Variants in AP1S3 observed in about 807,000 individuals in gnomAD.
AP1S3 encodes the protein adaptor related protein complex 1 subunit sigma 3, also known as AP-1 complex subunit sigma-3.
A neutral mutation model predicts 20.9 loss-of-function variants in AP1S3; 10 were observed. The ratio of observed to expected loss-of-function variants is 0.48; its 90% CI spans 0.29 to 0.81. The LOEUF (loss-of-function observed/expected upper bound fraction) is 0.81, where lower values mean the gene tolerates loss of function less well. Among genes scored for constraint, AP1S3 ranks in the 30% least tolerant of loss-of-function variants. The pLI, the probability that AP1S3 is intolerant of heterozygous loss-of-function variation, is 0.08. For synonymous variants in AP1S3, 41 were observed against 61.5 expected (o/e 0.67, Z 1.56); for missense variants, 154 against 183.8 (o/e 0.84, Z 0.94).
rs16865254 is a variant in AP1S3, at chr2:223,831,008, C to T, written c.3+6440G>A. ...TTTTAATTTACCTTATTGCTAGCAGCGATACAAGAAATACATTTTTTTTTC... is the reference window on the plus strand; with the variant it reads ...TTTTAATTTACCTTATTGCTAGCAGTGATACAAGAAATACATTTTTTTTTC... On this transcript the variant is annotated intron_variant, in intron 1 of 4. Transcript: ENST00000396654. 7.2e-3 allele frequency among the ~76,000 whole-genome samples: 1,103 copies of T among 152,222 alleles called. 13 individuals carry two copies. The highest frequency in any genetic ancestry group is 0.025 in the African/African-American group (1,048 of 41,550).
At position 223,758,485 on chromosome 2, in the gene AP1S3, G is replaced by A; in HGVS notation, c.*230C>T. The A allele has an allele frequency of 8.3e-7, 1 of 1,197,964 alleles. No homozygotes were observed. The allele number at this position is 1,197,964 out of a possible 1,614,324, so 74.2% of individuals were successfully genotyped here. On this transcript the variant is annotated 3_prime_UTR_variant, in exon 5 of 5. Coordinates refer to ENST00000396654, the MANE Select transcript of AP1S3 (RefSeq NM_001039569.2). Reference sequence around the variant, plus strand: ...AGGTGGTAGTTACTTTAAACATTTAGAGCTACAAGTACCTATACAGTATAA... The same window carrying A: ...AGGTGGTAGTTACTTTAAACATTTAAAGCTACAAGTACCTATACAGTATAA...
chr2:223,765,515 T>G (rs564198697), intron 3 of AP1S3, among the ~76,000 whole-genome samples, 165 bp from the exon 4 acceptor site: 26 of 152,298 alleles, frequency 1.7e-4, no homozygotes, highest in Non-Finnish European at 3.4e-4. Context: ...TGTCAGGCCT[T>G]TAATAAATGG....
At chr2:223,834,159 A>G (rs1283661246) in intron 1 of AP1S3, among the ~76,000 whole-genome samples, 1 of 152,102 alleles carries the variant, frequency 6.6e-6, no homozygotes, top group Non-Finnish European at 1.5e-5. Context: ...CCGCCTGCCA[A>G]TCCCAAAGAC....
chr2:223,789,146 A>AC (rs1553585803), intron 1 of AP1S3, among the ~76,000 whole-genome samples: 1 of 151,828 alleles, frequency 6.6e-6, no homozygotes, highest in South Asian at 2.1e-4. Flanking sequence ...GAAAAAAAAA[A>AC]CACTGGATAC....
At chr2:223,831,501 G>A (rs1451965025) in intron 1 of AP1S3, among the ~76,000 whole-genome samples, 1 of 152,200 alleles carries the variant, frequency 6.6e-6, no homozygotes, top group Non-Finnish European at 1.5e-5. Context: ...GAATTTAGGA[G>A]CATTTGCCTC....
At chr2:223,813,629 G>A (rs1301009644) in intron 1 of AP1S3, among the ~76,000 whole-genome samples, 5 of 152,152 alleles carry the variant, frequency 3.3e-5, no homozygotes, top group Admixed American at 2.0e-4. Context: ...AGCCCTGTTT[G>A]GAGAACATAG....
intron 1 of AP1S3, among the ~76,000 whole-genome samples, chr2:223,830,482 A>T (rs976632892): frequency 1.3e-5 from 2 of 151,246 alleles, no homozygotes; most frequent in Admixed American, 1.3e-4. Flanking sequence ...CTCTCTCAAA[A>T]AAAAAAAAAA....
intron 1 of AP1S3, among the ~76,000 whole-genome samples, chr2:223,789,286 T>C (rs1197181975): frequency 6.6e-6 from 1 of 151,920 alleles, no homozygotes; most frequent in African/African-American, 2.4e-5. Flanking sequence ...GTTTCCTTTT[T>C]AAAAAAGAGA....
At chr2:223,808,885 A>G (rs971365215) in intron 1 of AP1S3, among the ~76,000 whole-genome samples, 8 of 152,238 alleles carry the variant, frequency 5.3e-5, no homozygotes, top group African/African-American at 1.9e-4. Flanking sequence ...GGTCCCAGCT[A>G]CTGGGAGGCT....
intron 3 of AP1S3, among the ~76,000 whole-genome samples, chr2:223,768,093 T>C (rs1690524220): frequency 6.6e-6 from 1 of 152,146 alleles, no homozygotes; most frequent in Non-Finnish European, 1.5e-5. Context: ...GTGTAAGGTC[T>C]TCAGGACAAA....
At chr2:223,794,180 A>G (rs1023794964) in intron 1 of AP1S3, among the ~76,000 whole-genome samples, 1 of 151,908 alleles carries the variant, frequency 6.6e-6, no homozygotes, top group Non-Finnish European at 1.5e-5. Flanking sequence ...TATTGGTGGA[A>G]CTGTTAAATT....
chr2:223,837,471 C>A lies in AP1S3; in HGVS notation c.-21G>T. 1 of 1,285,644 alleles carries A rather than the reference C, an allele frequency of 7.8e-7. No homozygotes were observed. The highest frequency in any genetic ancestry group is 9.9e-7 in the Non-Finnish European group (1 of 1,014,708). The allele number at this position is 1,285,644 out of a possible 1,614,324, so 79.6% of individuals were successfully genotyped here. A position where few individuals can be genotyped will look rare whatever the true frequency, so the allele number is the denominator to read the frequency against. On this transcript the variant is annotated 5_prime_UTR_variant, in exon 1 of 5. Transcript: ENST00000396654. ...ACCATCGTGGCTGGGCCGCCGCCTC[C>A]CCCGCCTTGCGAGCAAGGAGCGCTG...
Position 223,765,333 on chromosome 2 carries a change from A to G in AP1S3, c.309T>C (p.Ile103=). ...KYFGNVCELD[I]IFNFEKAYFI... ...AATAAGCCTTTTCAAAATTAAAGAT[A>G]ATATCCAGCTCACAGACCTGGTGGG... The change falls in exon 4 of 5, where the codon ATT becomes ATC. Residue 103 remains isoleucine (I), a synonymous_variant. Coordinates refer to ENST00000396654, the MANE Select transcript of AP1S3 (RefSeq NM_001039569.2). 1 of 1,613,266 alleles carries G rather than the reference A, an allele frequency of 6.2e-7. No homozygotes were observed.
At chr2:223,833,274 A>ATACATACT (rs1692319827) in intron 1 of AP1S3, among the ~76,000 whole-genome samples, 1 of 152,132 alleles carries the variant, frequency 6.6e-6, no homozygotes, top group African/African-American at 2.4e-5. Context: ...ACATACATAC[A>ATACATACT]TACATACATA....
At chr2:223,773,741 C>CA (rs778871228) in intron 3 of AP1S3, among the ~76,000 whole-genome samples, 12 of 143,554 alleles carry the variant, frequency 8.4e-5, no homozygotes, top group South Asian at 6.7e-4. Context: ...ACAACAAGAA[C>CA]AAAAAAAAAC....
intron 1 of AP1S3, among the ~76,000 whole-genome samples, chr2:223,830,525 T>C (rs1692234498): frequency 1.3e-5 from 2 of 150,666 alleles, no homozygotes; most frequent in African/African-American, 4.9e-5. Context: ...ACTCCAGGGA[T>C]GAGTCAAATT....
intron 1 of AP1S3, among the ~76,000 whole-genome samples, chr2:223,781,678 T>C (rs1690949703): frequency 1.3e-5 from 2 of 152,100 alleles, no homozygotes; most frequent in South Asian, 4.1e-4. Flanking sequence ...GAAGAGATCA[T>C]AAAAGTGACT....
At chr2:223,776,300 G>T in intron 2 of AP1S3, 1 of 442,756 alleles carries the variant, frequency 2.3e-6, no homozygotes, top group Non-Finnish European at 4.3e-6. Context: ...GGTAATCAGG[G>T]TGTCTTCACA....
chr2:223,828,175 A>G (rs1329362402), intron 1 of AP1S3, among the ~76,000 whole-genome samples: 1 of 151,712 alleles, frequency 6.6e-6, no homozygotes, highest in Non-Finnish European at 1.5e-5. Context: ...TGCTGATTGA[A>G]CCAAGCAGTC....
Sources: gnomAD v4.1 joint callset for allele counts (sites outside exome capture counted in the v4.1 genomes callset) on GRCh38, gnomAD v4.1.1 for gene constraint, MANE v1.5 for transcripts, NCBI Gene and HGNC (gene_info 2026-07-23, HGNC 2026-07-21) for gene names.